EEF2K: variants seen among roughly 807,000 people sequenced by gnomAD.
The protein encoded by EEF2K is eukaryotic elongation factor 2 kinase, also known as alternative protein EEF2K.
Under a neutral mutation model 93.8 loss-of-function variants are expected in EEF2K, and 70 were observed. That is an observed-to-expected ratio of 0.75 (90% CI 0.62 to 0.91). EEF2K has a LOEUF of 0.91. Among genes scored for constraint, EEF2K ranks in the 40% least tolerant of loss-of-function variants. The pLI, the probability that EEF2K is intolerant of heterozygous loss-of-function variation, is 0.00. For synonymous variants in EEF2K, 376 were observed against 380.8 expected (o/e 0.99, Z 0.15); for missense variants, 935 against 972.9 (o/e 0.96, Z 0.52).
At position 22,225,801 on chromosome 16, in the gene EEF2K, T is replaced by C. The variant is rs2047057284; in HGVS notation, c.72T>C (p.Asp24=). Residue 24 remains aspartate, a synonymous_variant, in exon 2 of 18, where the codon GAT becomes GAC. Transcript: ENST00000263026. ...DGGQSPRAGH[D]GDSDGDSDDE... ...GCCAGTCCCCCCGAGCTGGCCATGA[T>C]GGTGATTCTGATGGGGACAGCGACG... 6.2e-7 allele frequency: 1 copy of C among 1,614,118 alleles called. No individual in the cohort carries two copies. The highest frequency in any genetic ancestry group is 1.3e-5 in the African/African-American group (1 of 74,940).
In EEF2K at chr16:22,244,672, G is replaced by A. The variant is rs1337931142; in HGVS notation, c.289G>A (p.Asp97Asn). 6 of 1,614,018 alleles carry A rather than the reference G, an allele frequency of 3.7e-6. No homozygotes were observed. The highest frequency in any genetic ancestry group is 1.1e-5 in the South Asian group (1 of 91,070). Residue 97 changes from aspartate (D) to asparagine (N), a missense_variant, in exon 3 of 18, where the codon GAC (aspartate) becomes AAC (asparagine). By Grantham distance (23) the Asp-to-Asn change is conservative. Coordinates refer to ENST00000263026, the MANE Select transcript of EEF2K (RefSeq NM_013302.5). Reference sequence around the variant, plus strand: ...AATCCAGAAGGCCAAGCACATGCCCGACCCCTGGGCTGAGTTCCACCTGGA... The same window carrying A: ...AATCCAGAAGGCCAAGCACATGCCCAACCCCTGGGCTGAGTTCCACCTGGA... The part of the protein sequence containing the change: ...HAIQKAKHMP[D>N]PWAEFHLEDI...
chr16:22,244,841 T>A, intron 3 of EEF2K, 111 bp downstream of exon 3: 1 of 1,055,120 alleles, frequency 9.5e-7, no homozygotes, highest in South Asian at 1.4e-5. Context: ...GGAGTAATCA[T>A]AACAGCAGCT....
chr16:22,231,412 G>A (rs1394787822), intron 2 of EEF2K, among the ~76,000 whole-genome samples: 7 of 151,758 alleles, frequency 4.6e-5, no homozygotes, highest in East Asian at 1.9e-4. Context: ...CACCACGCCC[G>A]ACCTGATCCT....
chr16:22,236,775 T>C (rs900358385), intron 2 of EEF2K, among the ~76,000 whole-genome samples: 1 of 151,808 alleles, frequency 6.6e-6, no homozygotes, highest in African/African-American at 2.4e-5. Context: ...ACTATAGTAA[T>C]CATTATTATT....
At chr16:22,255,409 C>T (rs528597417) in intron 6 of EEF2K, among the ~76,000 whole-genome samples, 1 of 152,174 alleles carries the variant, frequency 6.6e-6, no homozygotes, top group African/African-American at 2.4e-5. Flanking sequence ...GCCATCCCCT[C>T]AGGGGTTTGC....
intron 1 of EEF2K, 120 bp downstream of exon 1, chr16:22,206,799 G>C (rs73537863): frequency 0.04 from 6,149 of 152,820 alleles, 431 homozygotes; most frequent in African/African-American, 0.14. Context: ...AATGGGGCCG[G>C]AGAAGGCATG....
chr16:22,246,515 TAAAAAAAAAAA>T (rs746408835), intron 3 of EEF2K, among the ~76,000 whole-genome samples: 3 of 70,490 alleles, frequency 4.3e-5, no homozygotes, highest in Admixed American at 1.7e-4. Flanking sequence ...GACTCAGTCT[TAAAAAAAAAAA>T]AAAAAAAAAA....
chr16:22,272,472 T>A (rs773566125), intron 15 of EEF2K, among the ~76,000 whole-genome samples: 1 of 152,146 alleles, frequency 6.6e-6, no homozygotes, highest in African/African-American at 2.4e-5. Flanking sequence ...AATGTCCAGA[T>A]CCAGAATAGG....
At chr16:22,261,806 AC>A (rs1456879455) in intron 11 of EEF2K, among the ~76,000 whole-genome samples, 1 of 151,818 alleles carries the variant, frequency 6.6e-6, no homozygotes, top group African/African-American at 2.4e-5. Flanking sequence ...GGAGTTTAAG[AC>A]CAGTCTGGCC....
At chr16:22,283,250 A>G (rs1379280154) in intron 17 of EEF2K, among the ~76,000 whole-genome samples, 1 of 148,458 alleles carries the variant, frequency 6.7e-6, no homozygotes, top group Non-Finnish European at 1.5e-5. Context: ...CAGTGGTGAC[A>G]GTGAGCTAAG....
intron 6 of EEF2K, among the ~76,000 whole-genome samples, chr16:22,255,450 A>C (rs149033355): frequency 6.6e-6 from 1 of 152,126 alleles, no homozygotes; most frequent in Non-Finnish European, 1.5e-5. Flanking sequence ...CTGGCTCCCA[A>C]GCAGAGTCCA....
intron 16 of EEF2K, among the ~76,000 whole-genome samples, chr16:22,275,917 C>T (rs1380241430): frequency 8.6e-5 from 13 of 151,920 alleles, no homozygotes; most frequent in Non-Finnish European, 1.6e-4. Flanking sequence ...GCTGGGATTA[C>T]AGATGTGAGC....
intron 1 of EEF2K, among the ~76,000 whole-genome samples, chr16:22,219,531 AG>A (rs1252869010): frequency 6.6e-6 from 1 of 152,192 alleles, no homozygotes; most frequent in Non-Finnish European, 1.5e-5. Flanking sequence ...CAGGAGGCTG[AG>A]GTAGGAGAAT....
rs867156156 is a variant in EEF2K at position 22,260,483 on chromosome 16, T to C, written c.1253T>C (p.Leu418Pro). ...DHLHWPVFSD[L>P]DNMASRDHDH... ...CCAGATTGGCCAGTGTTCAGTGACC[T>C]CGATAACATGGCATCCAGAGACCAT... Residue 418 changes from leucine to proline, a missense_variant, in exon 11 of 18, where the codon CTC (leucine) becomes CCC (proline). Leu to Pro is a moderately conservative substitution (Grantham distance 98, BLOSUM62 -3). Coordinates refer to ENST00000263026, the MANE Select transcript of EEF2K (RefSeq NM_013302.5). 1 of 1,614,120 alleles carries C rather than the reference T, an allele frequency of 6.2e-7. No homozygotes were observed. Among genetic ancestry groups the C allele is most frequent in the South Asian group, 1.1e-5 (1 of 91,080 alleles).
intron 2 of EEF2K, among the ~76,000 whole-genome samples, chr16:22,227,323 A>G (rs1029972340): frequency 6.6e-6 from 1 of 152,162 alleles, no homozygotes; most frequent in Non-Finnish European, 1.5e-5. Flanking sequence ...TCCTGGGTTC[A>G]AGTGATTCTT....
chr16:22,227,963 C>T (rs1043697839), intron 2 of EEF2K, among the ~76,000 whole-genome samples: 2 of 147,686 alleles, frequency 1.4e-5, no homozygotes, highest in African/African-American at 2.5e-5. Context: ...AAAATGCTTA[C>T]AGCCATCCTA....
intron 17 of EEF2K, among the ~76,000 whole-genome samples, chr16:22,281,447 G>T (rs1429167802): frequency 6.6e-6 from 1 of 152,124 alleles, no homozygotes; most frequent in Non-Finnish European, 1.5e-5. Flanking sequence ...TTGCTATGTT[G>T]CCCAGGCTGG....
intron 2 of EEF2K, among the ~76,000 whole-genome samples, chr16:22,227,116 T>G (rs955589257): frequency 2.0e-5 from 3 of 152,114 alleles, no homozygotes; most frequent in African/African-American, 7.2e-5. Context: ...GGAGAATCAC[T>G]TGAACCTGGG....
intron 1 of EEF2K, among the ~76,000 whole-genome samples, chr16:22,211,720 C>T (rs1321992864): frequency 6.6e-6 from 1 of 152,144 alleles, no homozygotes; most frequent in Non-Finnish European, 1.5e-5. Context: ...GCCTCGGTCT[C>T]CCAAAGTGCT....
Sources: gnomAD v4.1 joint callset for allele counts (sites outside exome capture counted in the v4.1 genomes callset) on GRCh38, gnomAD v4.1.1 for gene constraint, MANE v1.5 for transcripts, NCBI Gene and HGNC (gene_info 2026-07-23, HGNC 2026-07-21) for gene names.